PDE1C: variants seen among roughly 807,000 people sequenced by gnomAD.
PDE1C encodes dual specificity calcium/calmodulin-dependent 3',5'-cyclic nucleotide phosphodiesterase 1C.
Under a neutral mutation model 93.1 loss-of-function variants are expected in PDE1C, and 62 were observed. The observed-to-expected ratio is 0.67, with a 90% CI of 0.54 to 0.82. The LOEUF is 0.82. PDE1C is among the 40% of genes least tolerant of loss of function. The probability of loss-of-function intolerance (pLI) is 0.00; values close to 1 mark genes in which losing one functional copy is unlikely to be tolerated. For missense variants in PDE1C, 742 were observed against 884.6 expected, an observed-to-expected ratio of 0.84 and a Z score of 2.04; for synonymous variants, 325 against 310.1, an observed-to-expected ratio of 1.05 and a Z score of -0.50.
chr7:31,716,748 A>G, the PDE1C span, among the ~76,000 whole-genome samples: 62,433 of 151,936 alleles, frequency 0.41, 13,370 homozygotes, highest in East Asian at 0.63. Flanking sequence ...GATTGGCCAC[A>G]AAAAGGAAAG....
intron 2 of PDE1C, among the ~76,000 whole-genome samples, chr7:31,893,890 T>C (rs1033835189): frequency 2.6e-5 from 4 of 152,196 alleles, no homozygotes; most frequent in African/African-American, 9.6e-5. Context: ...GAGCCTCCAC[T>C]GTACCAGGAC....
At chr7:32,288,416 C>T (rs1042860533) in intron 1 of PDE1C, among the ~76,000 whole-genome samples, 3 of 152,186 alleles carry the variant, frequency 2.0e-5, no homozygotes, top group African/African-American at 2.4e-5. Flanking sequence ...TAAGACCAGG[C>T]TTACAGTCTT....
chr7:32,214,259 G>A (rs1806262183), intron 1 of PDE1C, among the ~76,000 whole-genome samples: 1 of 152,020 alleles, frequency 6.6e-6, no homozygotes, highest in South Asian at 2.1e-4. Flanking sequence ...TGATTTAAGG[G>A]TAGTCCTGGA....
At chr7:31,737,283 C>T in the PDE1C span, among the ~76,000 whole-genome samples, 1 of 151,992 alleles carries the variant, frequency 6.6e-6, no homozygotes, top group Non-Finnish European at 1.5e-5. Context: ...CCCACCAACT[C>T]TTCTAATTCT....
the PDE1C span, among the ~76,000 whole-genome samples, chr7:31,705,840 C>T: frequency 2.0e-5 from 3 of 151,908 alleles, no homozygotes; most frequent in African/African-American, 7.3e-5. Context: ...GGCCTTCCAT[C>T]GCAGCTTCCT....
At chr7:31,636,503 A>G in the PDE1C span, among the ~76,000 whole-genome samples, 2 of 152,156 alleles carry the variant, frequency 1.3e-5, no homozygotes, top group African/African-American at 4.8e-5. Context: ...AAACATATAG[A>G]AAAAGCAATA....
At chr7:32,275,755 G>A (rs1051332523) in intron 1 of PDE1C, among the ~76,000 whole-genome samples, 38 of 152,230 alleles carry the variant, frequency 2.5e-4, no homozygotes, top group African/African-American at 6.7e-4. Flanking sequence ...AAGTGAATGT[G>A]TAGTTCCCCT....
the PDE1C span, among the ~76,000 whole-genome samples, chr7:31,746,059 G>A: frequency 1.3e-5 from 2 of 152,172 alleles, no homozygotes; most frequent in Non-Finnish European, 2.9e-5. Flanking sequence ...GACAGGAGTG[G>A]ACAAACTTCT....
At chr7:32,387,539 G>A (rs1784655409) in intron 1 of PDE1C, among the ~76,000 whole-genome samples, 1 of 149,242 alleles carries the variant, frequency 6.7e-6, no homozygotes, top group Admixed American at 6.6e-5. Context: ...CGGGGCGGCT[G>A]GCCGGGCAGA....
At chr7:31,815,332 G>C (rs905688713) in intron 15 of PDE1C, among the ~76,000 whole-genome samples, 2 of 152,014 alleles carry the variant, frequency 1.3e-5, no homozygotes, top group Non-Finnish European at 1.5e-5. Context: ...GTTGTTAATC[G>C]ATATTTGTTG....
intron 2 of PDE1C, among the ~76,000 whole-genome samples, chr7:31,918,157 T>C (rs996537735): frequency 6.6e-6 from 1 of 152,184 alleles, no homozygotes; most frequent in Non-Finnish European, 1.5e-5. Context: ...TCATTTTCTA[T>C]TTCAATGATA....
Position 31,814,081 on chromosome 7 carries a change from TACAC to T in PDE1C, c.1813+1839_1813+1842del, listed in dbSNP as rs141676874. 1.0e-3 allele frequency among the ~76,000 whole-genome samples: 154 copies of T among 149,532 alleles called. 1 individual carries two copies. The highest frequency in any genetic ancestry group is 1.5e-3 in the Non-Finnish European group (103 of 67,206). Reference sequence around the variant, plus strand: ...ACACACGCACGCGTGCATATATATGTACACACACACACACACACACATATATCAC... The same window carrying T: ...ACACACGCACGCGTGCATATATATGTACACACACACACACACATATATCAC... On this transcript the variant is annotated intron_variant, in intron 15 of 17. Transcript: ENST00000396191.
At chr7:32,426,359 G>T (rs1785533727) in intron 1 of PDE1C, among the ~76,000 whole-genome samples, 1 of 150,252 alleles carries the variant, frequency 6.7e-6, no homozygotes, top group African/African-American at 2.5e-5. Flanking sequence ...CTGCAGCCTC[G>T]ACCTCCTGGG....
the PDE1C span, among the ~76,000 whole-genome samples, chr7:31,679,407 T>C: frequency 6.6e-6 from 1 of 152,328 alleles, no homozygotes; most frequent in South Asian, 2.1e-4. Flanking sequence ...CTTTCGCATA[T>C]TCCTAAATTG....
chr7:32,107,301 G>T (rs1798378441), intron 3 of PDE1C, among the ~76,000 whole-genome samples: 1 of 148,072 alleles, frequency 6.8e-6, no homozygotes, highest in African/African-American at 2.5e-5. Flanking sequence ...AGGGAGGGAG[G>T]AAAGGAAGGA....
At chr7:32,422,475 T>G (rs941002141) in intron 1 of PDE1C, among the ~76,000 whole-genome samples, 1 of 151,552 alleles carries the variant, frequency 6.6e-6, no homozygotes. Context: ...TTTTCAACCC[T>G]TTCCCCCCCA....
intron 2 of PDE1C, among the ~76,000 whole-genome samples, chr7:31,882,959 GA>G (rs934128792): frequency 6.6e-6 from 1 of 152,096 alleles, no homozygotes; most frequent in Non-Finnish European, 1.5e-5. Flanking sequence ...AAAAGTAAAT[GA>G]AAACATCAAA....
intron 2 of PDE1C, among the ~76,000 whole-genome samples, chr7:31,921,058 G>A (rs1414272254): frequency 1.3e-5 from 2 of 152,206 alleles, no homozygotes; most frequent in Non-Finnish European, 2.9e-5. Flanking sequence ...TCAGGCTACT[G>A]AAAAATCAAT....
intron 15 of PDE1C, 112 bp downstream of exon 15, chr7:31,815,812 A>G: frequency 1.3e-6 from 1 of 790,284 alleles, no homozygotes; most frequent in Non-Finnish European, 2.2e-6. Flanking sequence ...CTGGATGAGC[A>G]GGGAAGCCTT....
Sources: gnomAD v4.1 joint callset for allele counts (sites outside exome capture counted in the v4.1 genomes callset) on GRCh38, gnomAD v4.1.1 for gene constraint, MANE v1.5 for transcripts, NCBI Gene and HGNC (gene_info 2026-07-23, HGNC 2026-07-21) for gene names.